Variants in TRIM66 observed in about 807,000 individuals in gnomAD.
The protein encoded by TRIM66 is tripartite motif containing 66, also known as tripartite motif-containing protein 66.
Under a neutral mutation model 148.2 loss-of-function variants are expected in TRIM66, and 99 were observed. The observed-to-expected ratio is 0.67, with a 90% CI of 0.57 to 0.79. The LOEUF is 0.79. Ranked by LOEUF, TRIM66 falls within the 30% of genes least tolerant of loss-of-function variation. TRIM66 has a pLI of 0.00. For missense variants in TRIM66, 1,666 were observed against 1,697.9 expected, an observed-to-expected ratio of 0.98 and a Z score of 0.33; for synonymous variants, 616 against 635.9, an observed-to-expected ratio of 0.97 and a Z score of 0.47.
intron 14 of TRIM66, among the ~76,000 whole-genome samples, chr11:8,639,248 T>C (rs906373336): frequency 1.3e-5 from 2 of 152,124 alleles, no homozygotes; most frequent in African/African-American, 2.4e-5. Flanking sequence ...TTATATTCTA[T>C]AATAAAGTAA....
chr11:8,621,535 C>A, intron 19 of TRIM66, 110 bp downstream of exon 19: 2 of 1,383,840 alleles, frequency 1.4e-6, no homozygotes, highest in Admixed American at 2.8e-5. Context: ...CAAGCTGCAG[C>A]CCCATCAGAG....
intron 3 of TRIM66, chr11:8,678,157 C>T (rs895256135): frequency 2.0e-5 from 3 of 152,122 alleles, no homozygotes; most frequent in African/African-American, 7.2e-5. Context: ...AGTCTCACTT[C>T]TGGGAATTTA....
At position 8,679,527 on chromosome 11, in the gene TRIM66, C is replaced by A. The variant is rs138978774; in HGVS notation, c.-190+93G>T. ...GAGTGTCTTAGCACCCAGAACCCTA[C>A]CTCAACCCCTTGCAGTGGTGGTCCT... On this transcript the variant is annotated intron_variant, in intron 3 of 24. Coordinates refer to ENST00000646038, the MANE Select transcript of TRIM66 (RefSeq NM_001388022.1). 2.0e-3 allele frequency: 298 copies of A among 152,796 alleles called. 2 individuals are homozygous for A. In the East Asian group the frequency reaches 0.047, roughly 24 times the overall value. 9.5% of individuals were successfully genotyped at this position (152,796 alleles called of 1,614,324 possible).
chr11:8,631,203 G>A (rs2035364158), intron 15 of TRIM66, among the ~76,000 whole-genome samples: 1 of 152,146 alleles, frequency 6.6e-6, no homozygotes, highest in African/African-American at 2.4e-5. Flanking sequence ...TTGATTCTGT[G>A]CCAGAAGCTA....
Position 8,624,832 on chromosome 11 carries a change from T to C in TRIM66, c.2707A>G (p.Ile903Val). The change falls in exon 16 of 25, where the codon ATC becomes GTC. Residue 903 changes from isoleucine to valine, a missense_variant. Coordinates refer to ENST00000646038, the MANE Select transcript of TRIM66 (RefSeq NM_001388022.1). The stretch of plus-strand genomic sequence containing the variant: ...GGCTGCATGTCAGAAACTGGAGGGA[T>C]GCTCTGCAGAGGACAAGTTGCCAGA... The part of the protein sequence containing the change: ...PSLATCPLQS[I>V]PPVSDMQPET... 2 of 1,551,714 alleles carry C rather than the reference T, an allele frequency of 1.3e-6. No individual in the cohort carries two copies. Among genetic ancestry groups the C allele is most frequent in the Non-Finnish European group, 1.7e-6 (2 of 1,146,980 alleles).
intron 13 of TRIM66, among the ~76,000 whole-genome samples, chr11:8,641,750 C>T (rs1202273937): frequency 2.6e-5 from 4 of 152,032 alleles, no homozygotes; most frequent in African/African-American, 4.8e-5. Flanking sequence ...ATCGTGGGGG[C>T]GGATCCCTCA....
At chr11:8,658,535 T>TG (rs1170468071) in intron 6 of TRIM66, among the ~76,000 whole-genome samples, 1 of 152,138 alleles carries the variant, frequency 6.6e-6, no homozygotes, top group Non-Finnish European at 1.5e-5. Context: ...ACAGTGTTGG[T>TG]GGTGAAGTGA....
At chr11:8,658,810 G>A (rs2038051081) in intron 6 of TRIM66, 2 of 985,088 alleles carry the variant, frequency 2.0e-6, no homozygotes, top group African/African-American at 1.7e-5. Flanking sequence ...GGTGTGGGGG[G>A]GCCTTCAACA....
intron 6 of TRIM66, among the ~76,000 whole-genome samples, chr11:8,665,453 T>C (rs1252873964): frequency 6.6e-6 from 1 of 152,220 alleles, no homozygotes; most frequent in East Asian, 1.9e-4. Context: ...TTAAACAATC[T>C]TCTCTTCACT....
chr11:8,662,656 G>A (rs1440842699), intron 6 of TRIM66, among the ~76,000 whole-genome samples: 5 of 152,148 alleles, frequency 3.3e-5, no homozygotes. Flanking sequence ...TTGAAAATGG[G>A]AAAAATAAGA....
rs2039105425 is a variant in TRIM66, at chr11:8,674,891, A to C, written c.-189-8T>G. 3 of 152,248 alleles carry C rather than the reference A, an allele frequency of 2.0e-5. No homozygotes were observed. The South Asian group carries it at 6.2e-4, about 31-fold the overall frequency. The allele number at this position is 152,248 out of a possible 1,614,324, so 9.4% of individuals were successfully genotyped here. A position where few individuals can be genotyped will look rare whatever the true frequency, so the allele number is the denominator to read the frequency against. ...TCTCACACAGACATACAGCTGGAAAAGATAGGAGTACTTTAATAGCCTTAT... is the reference window on the plus strand; with the variant it reads ...TCTCACACAGACATACAGCTGGAAACGATAGGAGTACTTTAATAGCCTTAT... On this transcript the variant is annotated splice_polypyrimidine_tract_variant and splice_region_variant and intron_variant, in intron 3 of 24. Transcript: ENST00000646038.
intron 6 of TRIM66, among the ~76,000 whole-genome samples, chr11:8,670,671 CA>C (rs1488723482): frequency 5.3e-5 from 8 of 152,002 alleles, no homozygotes; most frequent in Admixed American, 6.6e-5. Context: ...CTTTAAATGG[CA>C]TTGTTAAAAT....
rs552348802 is a variant in TRIM66, at chr11:8,624,861, G to A, written c.2678C>T (p.Pro893Leu). 9 of 1,551,682 alleles carry A rather than the reference G, an allele frequency of 5.8e-6. 1 individual carries two copies. In the South Asian group the frequency reaches 5.9e-5, roughly 10 times the overall value. The stretch of plus-strand genomic sequence containing the variant: ...CTGCAGAGGACAAGTTGCCAGACTC[G>A]GCACAGCCTGGGTGTGACCAGACAT... The part of the protein sequence containing the change: ...SLMSGHTQAV[P>L]SLATCPLQSI... The change falls in exon 16 of 25, where the codon CCG becomes CTG. Residue 893 changes from proline (P) to leucine (L), a missense_variant. Pro to Leu is a moderately conservative substitution (Grantham distance 98). This residue lies in a region of TRIM66 where 1,431 missense variants were observed against 1,412.4 expected (regional missense o/e 1.01). Transcript: ENST00000646038.
rs1034060383 is a variant in TRIM66 at position 8,617,821 on chromosome 11, A to G, written c.*123T>C. The G allele has an allele frequency of 1.0e-5, 9 of 898,578 alleles. No individual in the cohort carries two copies. The highest frequency in any genetic ancestry group is 1.6e-5 in the Non-Finnish European group (9 of 562,734). 55.7% of individuals were successfully genotyped at this position (898,578 alleles called of 1,614,324 possible). ...GTAGATGCAAATGGCAAAGAAGAGC[A>G]CTACACAGTTCAACAAGACTCATCT... On this transcript the variant is annotated 3_prime_UTR_variant, in exon 25 of 25. Coordinates refer to ENST00000646038, the MANE Select transcript of TRIM66 (RefSeq NM_001388022.1).
chr11:8,651,738 T>C (rs1031852410), intron 7 of TRIM66, 62 bp downstream of exon 7: 2 of 1,303,954 alleles, frequency 1.5e-6, no homozygotes, highest in Non-Finnish European at 2.2e-6. Flanking sequence ...AGAAGACTTA[T>C]GGACAGGGGC....
chr11:8,646,606 CTA>C (rs1292032708), intron 10 of TRIM66, 45 bp from the exon 11 acceptor site: 1 of 1,457,258 alleles, frequency 6.9e-7, no homozygotes, highest in African/African-American at 1.4e-5. Flanking sequence ...TCCTCATGGA[CTA>C]TATGAAGACG....
intron 6 of TRIM66, among the ~76,000 whole-genome samples, chr11:8,660,348 A>T (rs2038162578): frequency 6.6e-6 from 1 of 152,150 alleles, no homozygotes; most frequent in South Asian, 2.1e-4. Context: ...CCTACCTGGG[A>T]GTCCCTTGCA....
intron 18 of TRIM66, 137 bp downstream of exon 18, chr11:8,622,679 G>A: frequency 2.7e-6 from 2 of 750,928 alleles, no homozygotes. Context: ...CCACTTGAAG[G>A]TTGAGGGGTT....
Position 8,646,461 on chromosome 11 carries a change from T to G in TRIM66, c.943A>C (p.Ile315Leu), listed in dbSNP as rs1447165862. ...TCTATACATACCTCTAATTCCTCTA[T>G]TAGCCCATTGGCCTGTTTGTTCAGC... is the stretch of plus-strand genomic sequence containing the variant. ...NELNKQANGL[I>L]EELEGITNER... Residue 315 changes from isoleucine to leucine, a missense_variant, in exon 11 of 25, where the codon ATA becomes CTA. Coordinates refer to ENST00000646038, the MANE Select transcript of TRIM66 (RefSeq NM_001388022.1). 6.4e-7 allele frequency: 1 copy of G among 1,552,290 alleles called. No homozygotes were observed. The highest frequency in any genetic ancestry group is 2.0e-5 in the Admixed American group (1 of 51,010).
Sources: allele counts gnomAD v4.1 joint callset (sites outside exome capture counted in the v4.1 genomes callset), GRCh38; gene constraint gnomAD v4.1.1; regional missense constraint gnomAD v4.1.1; transcripts MANE v1.5; gene names NCBI Gene and HGNC (gene_info 2026-07-23, HGNC 2026-07-21).